NOP2: variants seen among roughly 807,000 people sequenced by gnomAD.
NOP2 encodes 28S rRNA (cytosine(4447)-C(5))-methyltransferase.
Under a neutral mutation model 72.7 loss-of-function variants are expected in NOP2, and 7 were observed. The observed-to-expected ratio is 0.10, with a 90% CI of 0.05 to 0.18. The LOEUF (loss-of-function observed/expected upper bound fraction) is 0.18, where lower values mean the gene tolerates loss of function less well. Ranked by LOEUF, NOP2 falls within the 10% of genes least tolerant of loss-of-function variation. NOP2 has a pLI of 1.00. For synonymous variants in NOP2, 387 were observed against 388.0 expected, an observed-to-expected ratio of 1.00 and a Z score of 0.03; for missense variants, 954 against 1,014.7, an observed-to-expected ratio of 0.94 and a Z score of 0.81.
In NOP2 at chr12:6,563,702, G is replaced by A; in HGVS notation, c.600C>T (p.Pro200=). ...CCCCATCTGCCTCTTCCACCTTTGG[G>A]GGGCCTGACTCAGGGGTCACTTCTT... ...EEKEVTPESG[P]PKVEEADGGL... The change falls in exon 7 of 16, where the codon CCC becomes CCT. Residue 200 remains proline, a synonymous_variant. Coordinates refer to ENST00000322166, the MANE Select transcript of NOP2 (RefSeq NM_001258308.2). The A allele has an allele frequency of 6.2e-7, 1 of 1,613,666 alleles. No homozygotes were observed. Among genetic ancestry groups the A allele is most frequent in the Non-Finnish European group, 8.5e-7 (1 of 1,179,752 alleles).
rs376876660 is a variant in NOP2, at chr12:6,567,164, G to A, written c.104-342C>T. ...AGGGTTTCACCATGTTGGCCAGGCT[G>A]GTCTCGAACACTGGACCTCAGGTGA... On this transcript the variant is annotated intron_variant, in intron 2 of 15. Coordinates refer to ENST00000322166, the MANE Select transcript of NOP2 (RefSeq NM_001258308.2). 2.6e-5 allele frequency among the ~76,000 whole-genome samples: 4 copies of A among 152,216 alleles called. No individual in the cohort carries two copies. In the East Asian group the frequency reaches 7.7e-4, roughly 29 times the overall value.
rs754553391 is a variant in NOP2 at position 6,560,608 on chromosome 12, G to A, written c.1438-39C>T. ...AGACCCAAAGGCAGCCTCAGGAGGA[G>A]AGGGGAGCCCAGAGGGTGTCCCCAT... is the stretch of plus-strand genomic sequence containing the variant. On this transcript the variant is annotated intron_variant, in intron 13 of 15. Coordinates refer to ENST00000322166, the MANE Select transcript of NOP2 (RefSeq NM_001258308.2). The surrounding 1 kb of genome is among the most constrained non-coding windows in gnomAD (Gnocchi z 5.0). 6.2e-7 allele frequency: 1 copy of A among 1,603,964 alleles called. No homozygotes were observed. Among genetic ancestry groups the A allele is most frequent in the South Asian group, 1.1e-5 (1 of 90,622 alleles).
At position 6,557,199 on chromosome 12, in the gene NOP2, G is replaced by A. The variant is rs1488817294; in HGVS notation, c.2233C>T (p.His745Tyr). The change falls in exon 16 of 16, where the codon CAT becomes TAT. Residue 745 changes from histidine to tyrosine, a missense_variant. Around this residue, in one of 3 missense-constraint regions of NOP2, gnomAD observed 269 missense variants for 260.2 expected, o/e 1.03. Coordinates refer to ENST00000322166, the MANE Select transcript of NOP2 (RefSeq NM_001258308.2). ...KTQATLKPKDHHQPLGRAKGV... is the reference protein window; with the variant it reads ...KTQATLKPKDYHQPLGRAKGV... ...TTGGCCCTTCCAAGGGGCTGATGATGGTCCTTAGGTTTCAGGGTGGCCTGA... is the reference window on the plus strand; with the variant it reads ...TTGGCCCTTCCAAGGGGCTGATGATAGTCCTTAGGTTTCAGGGTGGCCTGA... The A allele has an allele frequency of 6.2e-7, 1 of 1,614,010 alleles. No homozygotes were observed. The highest frequency in any genetic ancestry group is 1.1e-5 in the South Asian group (1 of 91,080).
At chr12:6,563,053 T>C (rs374963790) in intron 9 of NOP2, 28 bp downstream of exon 9, 216 of 1,555,082 alleles carry the variant, frequency 1.4e-4, no homozygotes, top group Middle Eastern at 1.0e-3. Flanking sequence ...CCTTCTGAGA[T>C]GAGTGAGCCT....
Position 6,561,836 on chromosome 12 carries a change from T to C in NOP2, c.1067-32A>G, listed in dbSNP as rs572417783. 5.0e-6 allele frequency: 8 copies of C among 1,608,870 alleles called. No homozygotes were observed. In the Admixed American group the frequency reaches 5.1e-5, roughly 10 times the overall value. On this transcript the variant is annotated intron_variant, in intron 10 of 15. Coordinates refer to ENST00000322166, the MANE Select transcript of NOP2 (RefSeq NM_001258308.2). ...AGAAGGACCACCCTGTGACATGCGGTAGGGACAGGGACAGAGGTAGAAGGG... is the reference window on the plus strand; with the variant it reads ...AGAAGGACCACCCTGTGACATGCGGCAGGGACAGGGACAGAGGTAGAAGGG...
At chr12:6,564,133 G>C in intron 5 of NOP2, 187 bp from the exon 6 acceptor site, 1 of 1,478,194 alleles carries the variant, frequency 6.8e-7, no homozygotes. Context: ...AAGTAATGAG[G>C]GCATGGTGGC....
In NOP2 at chr12:6,557,023, G is replaced by A. The variant is rs774644944; in HGVS notation, c.2409C>T (p.Ser803=). The change falls in exon 16 of 16, where the codon TCC becomes TCT. Residue 803 remains serine (S), a synonymous_variant. Coordinates refer to ENST00000322166, the MANE Select transcript of NOP2 (RefSeq NM_001258308.2). ...PPPAKRKKSQ[S]RGNSQLLLS is the part of the protein sequence containing the mutation. ...ATAGCAGCAGCTGGCTGTTGCCCCTGGACTGAGATTTCTTCCTCTTTGCTG... is the reference window on the plus strand; with the variant it reads ...ATAGCAGCAGCTGGCTGTTGCCCCTAGACTGAGATTTCTTCCTCTTTGCTG... The A allele has an allele frequency of 4.3e-6, 7 of 1,614,006 alleles. No homozygotes were observed. The South Asian group carries it at 7.7e-5, about 18-fold the overall frequency.
rs778366150 is a variant in NOP2, at chr12:6,557,088, G to C, written c.2344C>G (p.Pro782Ala). The C allele has an allele frequency of 8.1e-6, 13 of 1,613,854 alleles. No individual in the cohort carries two copies. In the African/African-American group the frequency reaches 1.6e-4, roughly 20 times the overall value. ...GAACGGATGGGAGACACAGTGGGAG[G>C]CTGAGGCCCCTTGGGGGTATCATTC... ...KQNDTPKGPQ[P>A]PTVSPIRSSR... Residue 782 changes from proline to alanine, a missense_variant, in exon 16 of 16, where the codon CCT (proline) becomes GCT (alanine). Physicochemically the swap from Pro to Ala is conservative, Grantham distance 27 (BLOSUM62 -1). Around this residue, in one of 3 missense-constraint regions of NOP2, gnomAD observed 269 missense variants for 260.2 expected, o/e 1.03. Coordinates refer to ENST00000322166, the MANE Select transcript of NOP2 (RefSeq NM_001258308.2).
In NOP2 at chr12:6,566,207, T is replaced by C; in HGVS notation, c.368A>G (p.Asp123Gly). Residue 123 changes from aspartate to glycine, a missense_variant, in exon 5 of 16, where the codon GAT becomes GGT. Physicochemically the swap from Asp to Gly is moderately conservative, Grantham distance 94. This residue lies in a region of NOP2 where 498 missense variants were observed against 478.3 expected (regional missense o/e 1.04). Coordinates refer to ENST00000322166, the MANE Select transcript of NOP2 (RefSeq NM_001258308.2). ...EEEEEEDSEE[D>G]GMVNHGDLWG... ...GAGGTCCCCGTGGTTCACCATACCA[T>C]CTTCTTCAGAGTCTTCCTCCTCCTC... 2 of 1,614,028 alleles carry C rather than the reference T, an allele frequency of 1.2e-6. No individual in the cohort carries two copies. Among genetic ancestry groups the C allele is most frequent in the Non-Finnish European group, 1.7e-6 (2 of 1,179,886 alleles).
chr12:6,561,596 C>T, intron 11 of NOP2, 68 bp downstream of exon 11: 3 of 1,585,360 alleles, frequency 1.9e-6, no homozygotes, highest in Non-Finnish European at 1.7e-6. Context: ...GTCAGCAACC[C>T]CAGCAACCCC....
At chr12:6,559,293 T>A (rs1009107411) in intron 15 of NOP2, among the ~76,000 whole-genome samples, 2 of 152,186 alleles carry the variant, frequency 1.3e-5, no homozygotes, top group Admixed American at 1.3e-4. Flanking sequence ...TAATTTTTTA[T>A]ATTTTTAGTA....
chr12:6,567,188 G>T (rs1947803102), intron 2 of NOP2, among the ~76,000 whole-genome samples: 1 of 152,096 alleles, frequency 6.6e-6, no homozygotes, highest in African/African-American at 2.4e-5. Flanking sequence ...GACCTCAGGT[G>T]ATCCACCTGC....
intron 5 of NOP2, among the ~76,000 whole-genome samples, chr12:6,565,898 T>G (rs1167731503): frequency 6.6e-6 from 1 of 151,742 alleles, no homozygotes; most frequent in Non-Finnish European, 1.5e-5. Flanking sequence ...CTTCTAGATT[T>G]TTTTAAATGC....
Position 6,557,459 on chromosome 12 carries a change from T to C in NOP2, c.1973A>G (p.Asp658Gly). Residue 658 changes from aspartate (D) to glycine (G), a missense_variant, in exon 16 of 16, where the codon GAC becomes GGC. Transcript: ENST00000322166. ...AGAAGGTACAGTGGACAATTCTGAG[T>C]CTGCCCCTTTGGAGATGCCATTCAG... Reference protein sequence around the residue: ...QKLNGISKGADSELSTVPSVT... With the variant: ...QKLNGISKGAGSELSTVPSVT... The C allele has an allele frequency of 1.2e-6, 2 of 1,614,010 alleles. No individual in the cohort carries two copies. Among genetic ancestry groups the C allele is most frequent in the South Asian group, 1.1e-5 (1 of 91,088 alleles).
At chr12:6,557,996 C>G in intron 15 of NOP2, 1 of 338,776 alleles carries the variant, frequency 3.0e-6, no homozygotes, top group South Asian at 2.3e-5. Context: ...CAAAAATTAG[C>G]CAGGGATGGT....
intron 9 of NOP2, 116 bp downstream of exon 9, chr12:6,562,965 A>G: frequency 7.8e-6 from 8 of 1,020,164 alleles, no homozygotes; most frequent in Non-Finnish European, 1.0e-5. Flanking sequence ...TTGCCCCCCC[A>G]GGATCATGCT....
chr12:6,566,223 C>T lies in NOP2; in HGVS notation c.352G>A (p.Glu118Lys), dbSNP rs1272349609. Residue 118 changes from glutamate (E) to lysine (K), a missense_variant, in exon 5 of 16, where the codon GAA becomes AAA. Glu to Lys is a moderately conservative substitution (Grantham distance 56). This residue lies in a region of NOP2 where 498 missense variants were observed against 478.3 expected (regional missense o/e 1.04). Coordinates refer to ENST00000322166, the MANE Select transcript of NOP2 (RefSeq NM_001258308.2). Reference protein sequence around the residue: ...APGSDEEEEEEDSEEDGMVNH... With the variant: ...APGSDEEEEEKDSEEDGMVNH... ...ACCATACCATCTTCTTCAGAGTCTT[C>T]CTCCTCCTCTTCCTCATCACTGCCA... The T allele has an allele frequency of 3.1e-6, 5 of 1,613,856 alleles. No homozygotes were observed. The highest frequency in any genetic ancestry group is 2.7e-5 in the African/African-American group (2 of 74,928).
At chr12:6,567,389 G>A (rs1947809770) in intron 2 of NOP2, 1 of 217,090 alleles carries the variant, frequency 4.6e-6, no homozygotes, top group Admixed American at 5.5e-5. Flanking sequence ...CTTCCACACA[G>A]TATACTACTA....
rs1471697017 is a variant in NOP2, at chr12:6,560,674, G to T, written c.1437+24C>A. On this transcript the variant is annotated intron_variant, in intron 13 of 15. Transcript: ENST00000322166. The surrounding 1 kb of genome is among the most constrained non-coding windows in gnomAD (Gnocchi z 5.0). Reference sequence around the variant, plus strand: ...TACGAGACCCAGCCAAGGCCTCTCAGGGGCCCACCACCTGACTCCTCACCT... The same window carrying T: ...TACGAGACCCAGCCAAGGCCTCTCATGGGCCCACCACCTGACTCCTCACCT... The T allele has an allele frequency of 6.2e-7, 1 of 1,608,944 alleles. No individual in the cohort carries two copies. Among genetic ancestry groups the T allele is most frequent in the Non-Finnish European group, 8.5e-7 (1 of 1,179,298 alleles).
Sources: allele counts gnomAD v4.1 joint callset (sites outside exome capture counted in the v4.1 genomes callset), GRCh38; gene constraint gnomAD v4.1.1; regional missense constraint gnomAD v4.1.1; non-coding constraint Gnocchi (gnomAD v3.1); transcripts MANE v1.5; gene names NCBI Gene and HGNC (gene_info 2026-07-23, HGNC 2026-07-21).